The following RAD54B variants were observed in gnomAD, a reference collection of about 807,000 sequenced individuals.
The protein encoded by RAD54B is RAD54 homolog B, also known as DNA repair and recombination protein RAD54B.
RAD54B carries 78 observed loss-of-function variants against 95.8 expected under a neutral mutation model. That is an observed-to-expected ratio of 0.81 (90% CI 0.68 to 0.98). RAD54B has a LOEUF of 0.98. Among genes scored for constraint, RAD54B ranks in the 50% least tolerant of loss-of-function variants. The probability of loss-of-function intolerance (pLI) is 0.00; values close to 1 mark genes in which losing one functional copy is unlikely to be tolerated. For missense variants in RAD54B, 957 were observed against 1,056.6 expected (o/e 0.91, Z 1.31); for synonymous variants, 328 against 354.9 (o/e 0.92, Z 0.85).
Position 94,386,976 on chromosome 8 carries a change from G to T in RAD54B, c.1985+8C>A. Reference sequence around the variant, plus strand: ...TGAGCACTTATAAGTTTGTTAAATCGATCTTACTTTTCAGTAGGTCGAAGT... The same window carrying T: ...TGAGCACTTATAAGTTTGTTAAATCTATCTTACTTTTCAGTAGGTCGAAGT... On this transcript the variant is annotated splice_region_variant and intron_variant, in intron 11 of 14. Coordinates refer to ENST00000336148, the MANE Select transcript of RAD54B (RefSeq NM_012415.3). The T allele has an allele frequency of 1.3e-6, 2 of 1,583,582 alleles. No homozygotes were observed. Among genetic ancestry groups the T allele is most frequent in the Non-Finnish European group, 1.7e-6 (2 of 1,168,024 alleles).
rs1813063371 is a variant in RAD54B at position 94,467,663 on chromosome 8, T to C, written c.-16-108A>G. ...TAAGATGGAACAGAAACCCCTCTTA[T>C]GGGCCTGCCTGGCCCCCCAAGCATA... is the stretch of plus-strand genomic sequence containing the variant. On this transcript the variant is annotated intron_variant, in intron 1 of 14. Coordinates refer to ENST00000336148, the MANE Select transcript of RAD54B (RefSeq NM_012415.3). The C allele has an allele frequency of 5.6e-6, 6 of 1,076,458 alleles. No homozygotes were observed. In the Admixed American group the frequency reaches 1.3e-4, roughly 23 times the overall value. 66.7% of individuals were successfully genotyped at this position (1,076,458 alleles called of 1,614,324 possible).
At chr8:94,403,503 C>A (rs1811309847) in intron 6 of RAD54B, among the ~76,000 whole-genome samples, 1 of 151,782 alleles carries the variant, frequency 6.6e-6, no homozygotes, top group Non-Finnish European at 1.5e-5. Flanking sequence ...ATGGTGAAAC[C>A]CCGTCTCTAC....
chr8:94,436,564 T>A, intron 3 of RAD54B: 3 of 1,550,496 alleles, frequency 1.9e-6, no homozygotes, highest in Non-Finnish European at 2.6e-6. Flanking sequence ...CATAACTTTC[T>A]TGGTTGGCTC....
chr8:94,388,168 C>G (rs562069809), intron 10 of RAD54B, among the ~76,000 whole-genome samples: 106 of 152,222 alleles, frequency 7.0e-4, no homozygotes, highest in African/African-American at 2.5e-3. Flanking sequence ...TTGAACTACG[C>G]AAGTCTACTT....
At chr8:94,421,824 G>T (rs775907997) in intron 3 of RAD54B, among the ~76,000 whole-genome samples, 2 of 152,110 alleles carry the variant, frequency 1.3e-5, no homozygotes, top group African/African-American at 4.8e-5. Flanking sequence ...TGGTATTACT[G>T]CAGGGGCTTC....
chr8:94,443,525 C>CA (rs74715328), intron 3 of RAD54B, among the ~76,000 whole-genome samples: 5,377 of 141,150 alleles, frequency 0.038, 105 homozygotes, highest in African/African-American at 0.062. Context: ...ATGAAATTAT[C>CA]AAAAAAAAAA....
At chr8:94,377,550 A>G (rs1371172140) in intron 14 of RAD54B, among the ~76,000 whole-genome samples, 104 of 24,378 alleles carry the variant, frequency 4.3e-3, no homozygotes, top group Non-Finnish European at 6.3e-3. Context: ...TCTTGGAAAA[A>G]AAAAAAAAAA....
chr8:94,463,372 C>T (rs888978577), intron 2 of RAD54B, among the ~76,000 whole-genome samples: 2 of 151,400 alleles, frequency 1.3e-5, no homozygotes, highest in African/African-American at 4.9e-5. Context: ...AAAGCAAAAC[C>T]ACAATGAGGT....
intron 14 of RAD54B, among the ~76,000 whole-genome samples, chr8:94,376,028 G>A (rs1326659597): frequency 6.6e-6 from 1 of 152,096 alleles, no homozygotes; most frequent in African/African-American, 2.4e-5. Flanking sequence ...AGTTAAATTA[G>A]TCATTTTTGA....
At chr8:94,418,301 G>T (rs1351737877) in intron 3 of RAD54B, among the ~76,000 whole-genome samples, 1 of 151,912 alleles carries the variant, frequency 6.6e-6, no homozygotes, top group Non-Finnish European at 1.5e-5. Context: ...CCAGTCCAAT[G>T]AATTTAAAGA....
At chr8:94,458,133 C>A in intron 3 of RAD54B, 135 bp downstream of exon 3, 2 of 761,522 alleles carry the variant, frequency 2.6e-6, no homozygotes, top group Non-Finnish European at 3.9e-6. Context: ...CAACAAAAAA[C>A]CTGAACTACC....
intron 12 of RAD54B, among the ~76,000 whole-genome samples, chr8:94,379,464 G>A (rs556960898): frequency 6.6e-6 from 1 of 152,324 alleles, no homozygotes; most frequent in South Asian, 2.1e-4. Flanking sequence ...AGAACAACTG[G>A]AAGCTTGTGC....
At chr8:94,442,385 A>G (rs548969929) in intron 3 of RAD54B, among the ~76,000 whole-genome samples, 2 of 152,138 alleles carry the variant, frequency 1.3e-5, no homozygotes, top group African/African-American at 4.8e-5. Context: ...ATCCTGGCTA[A>G]CATGGTGAAA....
chr8:94,372,589 G>A (rs759309811), intron 14 of RAD54B, among the ~76,000 whole-genome samples: 2 of 152,192 alleles, frequency 1.3e-5, no homozygotes, highest in Non-Finnish European at 2.9e-5. Context: ...GTAAAATGAT[G>A]AAGAAACACA....
intron 4 of RAD54B, among the ~76,000 whole-genome samples, chr8:94,409,314 A>AAATAAATC (rs1353016243): frequency 6.6e-6 from 1 of 151,984 alleles, no homozygotes; most frequent in Non-Finnish European, 1.5e-5. Context: ...CATACAGGCC[A>AAATAAATC]AATAAATCAG....
chr8:94,399,661 A>C, intron 7 of RAD54B, 40 bp from the exon 8 acceptor site: 2 of 1,542,192 alleles, frequency 1.3e-6, no homozygotes. Context: ...CAGGAACAGA[A>C]ACTATATGAA....
intron 1 of RAD54B, among the ~76,000 whole-genome samples, chr8:94,468,558 G>A (rs1050339991): frequency 6.6e-6 from 1 of 151,998 alleles, no homozygotes; most frequent in African/African-American, 2.4e-5. Flanking sequence ...GAGCACGGTG[G>A]CTCATGCCTG....
chr8:94,432,184 T>A (rs1486129393), intron 3 of RAD54B: 1 of 1,550,292 alleles, frequency 6.5e-7, no homozygotes, highest in Admixed American at 2.0e-5. Flanking sequence ...GCTTTCAGCT[T>A]CTCCACTTCA....
At chr8:94,430,874 C>A in intron 3 of RAD54B, 3 of 985,376 alleles carry the variant, frequency 3.0e-6, no homozygotes, top group Non-Finnish European at 3.6e-6. Flanking sequence ...ATACTACAGC[C>A]CAAATTGACT....
Sources: allele counts gnomAD v4.1 joint callset (sites outside exome capture counted in the v4.1 genomes callset), GRCh38; gene constraint gnomAD v4.1.1; transcripts MANE v1.5; gene names NCBI Gene and HGNC (gene_info 2026-07-23, HGNC 2026-07-21).